KCNQ5: variants seen among roughly 807,000 people sequenced by gnomAD.
KCNQ5 encodes potassium voltage-gated channel subfamily KQT member 5.
A neutral mutation model predicts 98.2 loss-of-function variants in KCNQ5; 30 were observed. That is an observed-to-expected ratio of 0.31 (90% CI 0.23 to 0.41). The LOEUF (loss-of-function observed/expected upper bound fraction) is 0.41, where lower values mean the gene tolerates loss of function less well. Among genes scored for constraint, KCNQ5 ranks in the 10% least tolerant of loss-of-function variants. KCNQ5 has a pLI of 1.00. For missense variants in KCNQ5, 835 were observed against 1,182.5 expected (o/e 0.71, Z 4.31); for synonymous variants, 458 against 449.4 (o/e 1.02, Z -0.24).
At chr6:72,689,718 C>A (rs1768119501) in intron 1 of KCNQ5, among the ~76,000 whole-genome samples, 1 of 151,412 alleles carries the variant, frequency 6.6e-6, no homozygotes, top group Non-Finnish European at 1.5e-5. Flanking sequence ...CATTACAATT[C>A]AGTGACATTG....
At chr6:72,648,890 C>T (rs1765737891) in intron 1 of KCNQ5, among the ~76,000 whole-genome samples, 1 of 151,384 alleles carries the variant, frequency 6.6e-6, no homozygotes, top group South Asian at 2.1e-4. Flanking sequence ...GGACATGTGG[C>T]TGGTTATACT....
intron 7 of KCNQ5, among the ~76,000 whole-genome samples, chr6:73,116,011 C>T (rs1775474995): frequency 6.6e-6 from 1 of 152,010 alleles, no homozygotes; most frequent in African/African-American, 2.4e-5. Flanking sequence ...ATGCATTTGA[C>T]CAGAGGAATT....
At chr6:72,759,087 A>G (rs756995081) in intron 1 of KCNQ5, among the ~76,000 whole-genome samples, 1 of 152,186 alleles carries the variant, frequency 6.6e-6, no homozygotes, top group Admixed American at 6.5e-5. Context: ...AGTCAAAGGT[A>G]CCACGTGATA....
chr6:72,844,188 A>G (rs1204219551), intron 1 of KCNQ5, among the ~76,000 whole-genome samples: 1 of 152,178 alleles, frequency 6.6e-6, no homozygotes, highest in African/African-American at 2.4e-5. Context: ...GCTAGTAACC[A>G]CTGCAAGACA....
intron 2 of KCNQ5, among the ~76,000 whole-genome samples, chr6:73,012,214 C>T (rs1770095396): frequency 6.6e-6 from 1 of 151,900 alleles, no homozygotes; most frequent in Non-Finnish European, 1.5e-5. Flanking sequence ...TGGAAACGAC[C>T]CAAGTGTATA....
At chr6:72,698,348 C>T (rs953596413) in intron 1 of KCNQ5, among the ~76,000 whole-genome samples, 7 of 151,954 alleles carry the variant, frequency 4.6e-5, no homozygotes, top group Non-Finnish European at 7.4e-5. Context: ...GGATTACAGG[C>T]GTGTGCCACC....
intron 1 of KCNQ5, among the ~76,000 whole-genome samples, chr6:72,879,756 TTG>T (rs1420127457): frequency 3.9e-5 from 6 of 152,202 alleles, no homozygotes; most frequent in Admixed American, 6.5e-5. Context: ...AGGGGTTTTT[TTG>T]TGTGTGATTT....
intron 2 of KCNQ5, among the ~76,000 whole-genome samples, chr6:73,025,993 G>T (rs2150343738): frequency 6.6e-6 from 1 of 152,266 alleles, no homozygotes; most frequent in South Asian, 2.1e-4. Context: ...ATCAGGGAAT[G>T]CCTTGTTCTT....
chr6:72,955,954 G>C (rs1187451186), intron 1 of KCNQ5, among the ~76,000 whole-genome samples: 1 of 151,560 alleles, frequency 6.6e-6, no homozygotes, highest in Non-Finnish European at 1.5e-5. Context: ...AACAAACCCA[G>C]TAATTCTCAA....
At chr6:72,892,582 A>G (rs1253533825) in intron 1 of KCNQ5, among the ~76,000 whole-genome samples, 2 of 152,188 alleles carry the variant, frequency 1.3e-5, no homozygotes, top group African/African-American at 2.4e-5. Flanking sequence ...TCCACCAATC[A>G]TAAGTAGAAA....
At chr6:73,162,837 T>A (rs986899480) in intron 10 of KCNQ5, among the ~76,000 whole-genome samples, 3 of 152,148 alleles carry the variant, frequency 2.0e-5, no homozygotes, top group East Asian at 1.9e-4. Context: ...CTGCATGGAT[T>A]TTCTGCAGGT....
intron 6 of KCNQ5, among the ~76,000 whole-genome samples, chr6:73,107,392 A>T (rs1775047276): frequency 6.6e-6 from 1 of 152,394 alleles, no homozygotes; most frequent in South Asian, 2.1e-4. Flanking sequence ...GAGGAAGATG[A>T]TAGAACAAAC....
intron 1 of KCNQ5, among the ~76,000 whole-genome samples, chr6:72,717,010 G>A (rs752385431): frequency 1.1e-4 from 17 of 152,172 alleles, no homozygotes; most frequent in Admixed American, 5.2e-4. Flanking sequence ...AATGGAGGGA[G>A]TGATAATAAT....
intron 10 of KCNQ5, among the ~76,000 whole-genome samples, chr6:73,159,123 TAAAG>T (rs71798949): frequency 0.08 from 12,154 of 152,220 alleles, 655 homozygotes; most frequent in East Asian, 0.25. Context: ...ACAGATTTGA[TAAAG>T]AAAATGTGTT....
chr6:72,762,691 C>T (rs1772348814), intron 1 of KCNQ5, among the ~76,000 whole-genome samples: 1 of 151,962 alleles, frequency 6.6e-6, no homozygotes, highest in Non-Finnish European at 1.5e-5. Flanking sequence ...AGCCTATTGT[C>T]CAGATGAGAA....
At chr6:72,949,499 A>T (rs1234285843) in intron 1 of KCNQ5, among the ~76,000 whole-genome samples, 1 of 152,204 alleles carries the variant, frequency 6.6e-6, no homozygotes, top group Non-Finnish European at 1.5e-5. Flanking sequence ...AATAAATGCA[A>T]CATTTTTCTG....
At chr6:72,980,177 T>C (rs1239269403) in intron 1 of KCNQ5, among the ~76,000 whole-genome samples, 2 of 152,208 alleles carry the variant, frequency 1.3e-5, no homozygotes, top group Non-Finnish European at 2.9e-5. Flanking sequence ...TTTGGTTCCA[T>C]ATGAACTTTA....
At chr6:73,000,470 A>G (rs1336429737) in intron 1 of KCNQ5, among the ~76,000 whole-genome samples, 1 of 151,976 alleles carries the variant, frequency 6.6e-6, no homozygotes. Flanking sequence ...TTCTAGGGGG[A>G]AAAAAATACT....
At chr6:73,157,696 G>A (rs1297875187) in intron 10 of KCNQ5, 11 of 776,096 alleles carry the variant, frequency 1.4e-5, no homozygotes, top group Non-Finnish European at 2.6e-5. Flanking sequence ...CTCTGGGCAT[G>A]CAGGCATCAG....
Sources: gnomAD v4.1 joint callset for allele counts (sites outside exome capture counted in the v4.1 genomes callset) on GRCh38, gnomAD v4.1.1 for gene constraint, MANE v1.5 for transcripts, NCBI Gene and HGNC (gene_info 2026-07-23, HGNC 2026-07-21) for gene names.